Variants in NAV3 observed in about 807,000 individuals in gnomAD.
NAV3 encodes the protein pore membrane and/or filament interacting like protein 1.
In NAV3, 87 loss-of-function variants were observed where a neutral mutation model predicts 244.7. That is an observed-to-expected ratio of 0.36 (90% CI 0.30 to 0.42). NAV3 has a LOEUF of 0.42. NAV3 is among the 20% of genes least tolerant of loss of function. The pLI is 1.00. For synonymous variants in NAV3, 1,126 were observed against 1,042.2 expected (o/e 1.08, Z -1.55); for missense variants, 2,663 against 2,893.3 (o/e 0.92, Z 1.83).
chr12:77,795,965 G>T (rs1217371362), intron 2 of NAV3, among the ~76,000 whole-genome samples: 1 of 152,090 alleles, frequency 6.6e-6, no homozygotes, highest in Non-Finnish European at 1.5e-5. Context: ...CAGTAATTCC[G>T]CAGCTCTGAA....
intron 2 of NAV3, among the ~76,000 whole-genome samples, chr12:77,726,836 T>G (rs752030665): frequency 2.6e-5 from 4 of 151,894 alleles, no homozygotes; most frequent in Non-Finnish European, 5.9e-5. Flanking sequence ...TGGGACAAAC[T>G]GGCAGGGGTT....
chr12:78,131,361 A>G (rs1170897485), intron 18 of NAV3, among the ~76,000 whole-genome samples: 1 of 152,232 alleles, frequency 6.6e-6, no homozygotes, highest in Non-Finnish European at 1.5e-5. Context: ...ATTTACCTAT[A>G]ATGCCAAAGA....
chr12:77,748,592 A>G (rs138974610), intron 2 of NAV3, among the ~76,000 whole-genome samples: 27 of 152,338 alleles, frequency 1.8e-4, no homozygotes, highest in African/African-American at 6.0e-4. Flanking sequence ...TTGTGACAGC[A>G]TAAATGAAAC....
Position 77,610,786 on chromosome 12 carries a change from T to C in NAV3, c.72+38520T>C, listed in dbSNP as rs140841610. ...CAAATGAAAGTGAGCCTGGTCTCCA[T>C]GTACAAAGAGAAGCAAAGCAGCTCT... On this transcript the variant is annotated intron_variant, in intron 2 of 8. Coordinates refer to the NAV3 transcript ENST00000550042. Among the ~76,000 whole-genome samples the C allele has an allele frequency of 5.3e-3, 806 of 152,166 alleles. 6 individuals are homozygous for C. Among genetic ancestry groups the C allele is most frequent in the African/African-American group, 0.019 (780 of 41,550 alleles).
intron 3 of NAV3, among the ~76,000 whole-genome samples, chr12:77,956,952 A>G (rs1891422312): frequency 6.6e-6 from 1 of 152,096 alleles, no homozygotes; most frequent in African/African-American, 2.4e-5. Flanking sequence ...CATGTTGGCC[A>G]GGCTGGTCTC....
At chr12:77,717,327 T>A (rs1291671608) in intron 2 of NAV3, among the ~76,000 whole-genome samples, 1 of 152,092 alleles carries the variant, frequency 6.6e-6, no homozygotes, top group Non-Finnish European at 1.5e-5. Flanking sequence ...TCTCCTTCTA[T>A]GAGTTTGACT....
intron 18 of NAV3, among the ~76,000 whole-genome samples, chr12:78,133,062 A>C (rs1226046986): frequency 1.3e-5 from 2 of 152,092 alleles, no homozygotes; most frequent in Admixed American, 1.3e-4. Context: ...AACTATAGAC[A>C]ATTGCAGCAG....
intron 2 of NAV3, among the ~76,000 whole-genome samples, chr12:77,792,065 T>A (rs1468723646): frequency 1.3e-5 from 2 of 152,222 alleles, no homozygotes; most frequent in Non-Finnish European, 2.9e-5. Flanking sequence ...CATCTTTAAG[T>A]CTTTCATCAT....
intron 18 of NAV3, among the ~76,000 whole-genome samples, chr12:78,134,849 A>G (rs914079934): frequency 6.6e-6 from 1 of 152,234 alleles, no homozygotes; most frequent in Non-Finnish European, 1.5e-5. Context: ...TATAATCTTA[A>G]TAAAAGGTTA....
intron 1 of NAV3, among the ~76,000 whole-genome samples, chr12:77,897,350 C>T (rs1441583400): frequency 1.3e-5 from 2 of 152,198 alleles, no homozygotes; most frequent in Non-Finnish European, 2.9e-5. Flanking sequence ...TGCACACTAG[C>T]ACACATATCA....
intron 22 of NAV3, among the ~76,000 whole-genome samples, chr12:78,155,022 T>G (rs867800078): frequency 1.3e-5 from 2 of 152,210 alleles, no homozygotes; most frequent in Middle Eastern, 3.4e-3. Context: ...ATATTTTTTT[T>G]CTTCAACTTT....
At position 78,116,816 on chromosome 12, in the gene NAV3, T is replaced by G. The variant is rs1438077955; in HGVS notation, c.2681T>G (p.Leu894Arg). The G allele has an allele frequency of 1.2e-6, 2 of 1,610,168 alleles. No homozygotes were observed. The highest frequency in any genetic ancestry group is 1.7e-6 in the Non-Finnish European group (2 of 1,177,460). ...SSVSSGLSDT[L>R]DNISTDDLNT... ...GTGAGCAGTGGTCTCAGTGACACCC[T>G]TGATAACATCAGCACTGATGACCTG... The change falls in exon 13 of 40, where the codon CTT (leucine) becomes CGT (arginine). Residue 894 changes from leucine (L) to arginine (R), a missense_variant. Physicochemically the swap from Leu to Arg is moderately radical, Grantham distance 102. Around this residue, in one of 6 missense-constraint regions of NAV3, gnomAD observed 1,521 missense variants for 1,497.0 expected, o/e 1.02. Coordinates refer to ENST00000397909, the MANE Select transcript of NAV3 (RefSeq NM_001024383.2).
At chr12:78,058,401 A>G (rs115824146) in intron 11 of NAV3, among the ~76,000 whole-genome samples, 123 of 152,272 alleles carry the variant, frequency 8.1e-4, no homozygotes, top group African/African-American at 2.7e-3. Flanking sequence ...CCAGGAGAAC[A>G]ATATGGGGAA....
intron 12 of NAV3, among the ~76,000 whole-genome samples, chr12:78,085,091 A>AT (rs1953562942): frequency 6.6e-6 from 1 of 152,188 alleles, no homozygotes; most frequent in Non-Finnish European, 1.5e-5. Context: ...TAGAAGATAT[A>AT]TTTTAAATAT....
intron 1 of NAV3, among the ~76,000 whole-genome samples, chr12:77,939,038 A>G (rs774099737): frequency 7.2e-5 from 11 of 151,948 alleles, no homozygotes; most frequent in Non-Finnish European, 1.5e-4. Context: ...TCAAAAATGG[A>G]CAGGGTTGAA....
chr12:78,166,387 A>G (rs1957782093), intron 23 of NAV3, among the ~76,000 whole-genome samples: 1 of 151,656 alleles, frequency 6.6e-6, no homozygotes, highest in Non-Finnish European at 1.5e-5. Context: ...GCAAGTTTGA[A>G]CAGATTATGT....
At chr12:77,857,424 G>A (rs1462905314) in intron 1 of NAV3, among the ~76,000 whole-genome samples, 1 of 151,846 alleles carries the variant, frequency 6.6e-6, no homozygotes, top group African/African-American at 2.4e-5. Context: ...CATTGAATAA[G>A]AAGTTTGAAT....
chr12:77,838,969 A>G (rs1875141807), intron 1 of NAV3, among the ~76,000 whole-genome samples: 1 of 152,176 alleles, frequency 6.6e-6, no homozygotes, highest in Non-Finnish European at 1.5e-5. Flanking sequence ...TTGTTCCATT[A>G]GTGATCCCAT....
chr12:78,191,497 T>C (rs1359270616), intron 34 of NAV3, among the ~76,000 whole-genome samples: 1 of 152,160 alleles, frequency 6.6e-6, no homozygotes, highest in Non-Finnish European at 1.5e-5. Flanking sequence ...TTTATATGTG[T>C]CCTTCAAAAA....
Sources: allele counts gnomAD v4.1 joint callset (sites outside exome capture counted in the v4.1 genomes callset), GRCh38; gene constraint gnomAD v4.1.1; regional missense constraint gnomAD v4.1.1; transcripts MANE v1.5; gene names NCBI Gene and HGNC (gene_info 2026-07-23, HGNC 2026-07-21).